Variants in MRC2 observed in about 807,000 individuals in gnomAD.
MRC2 encodes the protein mannose receptor C-type 2.
MRC2 carries 84 observed loss-of-function variants against 206.2 expected under a neutral mutation model. The ratio of observed to expected loss-of-function variants is 0.41; its 90% CI spans 0.34 to 0.49. The LOEUF (loss-of-function observed/expected upper bound fraction) is 0.49, where lower values mean the gene tolerates loss of function less well. Among genes scored for constraint, MRC2 ranks in the 20% least tolerant of loss-of-function variants. MRC2 has a pLI of 0.31. For synonymous variants in MRC2, 798 were observed against 800.0 expected (o/e 1.00, Z 0.04); for missense variants, 1,676 against 2,001.5 (o/e 0.84, Z 3.10).
chr17:62,684,950 G>T lies in MRC2; in HGVS notation c.2946+2573G>T, dbSNP rs548491611. Among the ~76,000 whole-genome samples, 16 of 152,264 alleles carry T rather than the reference G, an allele frequency of 1.1e-4. 1 individual carries two copies. The East Asian group carries it at 2.7e-3, about 26-fold the overall frequency. On this transcript the variant is annotated intron_variant, in intron 20 of 29. Transcript: ENST00000303375. ...GAGATCAGGAGTTTGAGACCAACCAGGGCAACATCGCAAAACCCTGTCTCT... is the reference window on the plus strand; with the variant it reads ...GAGATCAGGAGTTTGAGACCAACCATGGCAACATCGCAAAACCCTGTCTCT...
chr17:62,690,586 G>C, intron 26 of MRC2, 56 bp from the exon 27 acceptor site: 23 of 1,424,580 alleles, frequency 1.6e-5, no homozygotes, highest in Non-Finnish European at 2.1e-5. Context: ...AGCTCTGGGG[G>C]ACTCTGCCCC....
chr17:62,684,047 A>T (rs1450867203), intron 20 of MRC2: 2 of 152,230 alleles, frequency 1.3e-5, no homozygotes, highest in African/African-American at 2.4e-5. Flanking sequence ...CAACAAAAAA[A>T]TTGTCTAAAT....
chr17:62,628,790 G>A (rs1373468583), intron 1 of MRC2, among the ~76,000 whole-genome samples: 1 of 151,874 alleles, frequency 6.6e-6, no homozygotes, highest in East Asian at 1.9e-4. Context: ...TCTAAGAGTT[G>A]AAAGGAAAGA....
In MRC2 at chr17:62,638,754, AAAAG is replaced by A. The variant is rs1222672569; in HGVS notation, c.118+10842_118+10845del. The stretch of plus-strand genomic sequence containing the variant: ...CCCTGTCTCAAAAAAAAAAAAAAAA[AAAAG>A]AAAGAAACAATTAGCCAGGCGTGGT... On this transcript the variant is annotated intron_variant, in intron 1 of 29. Coordinates refer to ENST00000303375, the MANE Select transcript of MRC2 (RefSeq NM_006039.5). Among the ~76,000 whole-genome samples, 259 of 149,902 alleles carry A rather than the reference AAAAG, an allele frequency of 1.7e-3. 3 individuals carry two copies. In the South Asian group the frequency reaches 0.026, roughly 15 times the overall value.
chr17:62,655,869 G>A (rs1265091083), intron 1 of MRC2, among the ~76,000 whole-genome samples: 1 of 152,082 alleles, frequency 6.6e-6, no homozygotes, highest in Non-Finnish European at 1.5e-5. Flanking sequence ...TGCTTCATGA[G>A]TTCAGCCTCT....
chr17:62,663,836 A>T (rs1444256354), intron 1 of MRC2, among the ~76,000 whole-genome samples: 1 of 152,094 alleles, frequency 6.6e-6, no homozygotes, highest in Non-Finnish European at 1.5e-5. Context: ...CAGAAAAACC[A>T]CGCCATGTAA....
intron 17 of MRC2, 39 bp from the exon 18 acceptor site, chr17:62,681,023 G>A (rs751903752): frequency 2.9e-5 from 47 of 1,612,662 alleles, no homozygotes; most frequent in Non-Finnish European, 3.8e-5. Context: ...ATGAGGGCAG[G>A]GGGCTGCCTA....
chr17:62,640,038 T>TTA (rs2088380455), intron 1 of MRC2, among the ~76,000 whole-genome samples: 2 of 85,848 alleles, frequency 2.3e-5, no homozygotes, highest in Non-Finnish European at 4.8e-5. Flanking sequence ...TTTTTTTTTT[T>TTA]TTTGTATTTT....
chr17:62,678,760 G>T (rs902723442), intron 13 of MRC2, 114 bp downstream of exon 13: 14 of 1,460,042 alleles, frequency 9.6e-6, no homozygotes, highest in Non-Finnish European at 1.2e-5. Context: ...GAATGTGGGT[G>T]ACCCCAGGGA....
intron 1 of MRC2, among the ~76,000 whole-genome samples, chr17:62,635,282 TA>T (rs2088300218): frequency 6.8e-6 from 1 of 147,670 alleles, no homozygotes; most frequent in African/African-American, 2.6e-5. Context: ...TGCCAAAAAG[TA>T]ATCATAGTTT....
intron 18 of MRC2, 63 bp from the exon 19 acceptor site, chr17:62,681,774 G>A: frequency 7.6e-7 from 1 of 1,318,946 alleles, no homozygotes; most frequent in Non-Finnish European, 1.1e-6. Context: ...CTTCATTGCT[G>A]CATCCGGTGG....
chr17:62,690,974 C>T lies in MRC2; in HGVS notation c.4038C>T (p.Asn1346=), dbSNP rs769184003. The T allele has an allele frequency of 1.4e-5, 22 of 1,607,104 alleles. No homozygotes were observed. The highest frequency in any genetic ancestry group is 1.8e-5 in the Non-Finnish European group (21 of 1,177,768). ...PKGGTLVWQD[N]TAVNYSNWGP... ...GAGGCACTCTGGTCTGGCAGGACAA[C>T]ACAGCTGTGAACTACTCCAACTGGG... Residue 1346 remains asparagine (N), a synonymous_variant, in exon 28 of 30, where the codon AAC becomes AAT. Coordinates refer to ENST00000303375, the MANE Select transcript of MRC2 (RefSeq NM_006039.5).
chr17:62,668,620 C>T (rs1157627796), intron 6 of MRC2, among the ~76,000 whole-genome samples: 2 of 152,144 alleles, frequency 1.3e-5, no homozygotes, highest in Non-Finnish European at 2.9e-5. Context: ...TTGGGAAGCC[C>T]TGGCTTAAAG....
Position 62,680,554 on chromosome 17 carries a change from G to C in MRC2, c.2473+101G>C. ...CTGAATGAAATGGAGGGGATGAGGA[G>C]TTCCGGTCGAGAGAAGGGGGACGGG... On this transcript the variant is annotated intron_variant, in intron 16 of 29. Coordinates refer to ENST00000303375, the MANE Select transcript of MRC2 (RefSeq NM_006039.5). This position sits in a 1 kb window ranked among gnomAD's most constrained non-coding sequence, Gnocchi z 4.8. 1 of 1,512,684 alleles carries C rather than the reference G, an allele frequency of 6.6e-7. No individual in the cohort carries two copies. Among genetic ancestry groups the C allele is most frequent in the Non-Finnish European group, 9.1e-7 (1 of 1,100,010 alleles). 93.7% of individuals were successfully genotyped at this position (1,512,684 alleles called of 1,614,324 possible).
chr17:62,691,181 C>T, intron 28 of MRC2, 53 bp downstream of exon 28: 1 of 1,532,868 alleles, frequency 6.5e-7, no homozygotes, highest in East Asian at 2.4e-5. Flanking sequence ...TGCCGCTGGT[C>T]CTGGGCTGGG....
At position 62,680,179 on chromosome 17, in the gene MRC2, C is replaced by T. The variant is rs771693978; in HGVS notation, c.2308C>T (p.His770Tyr). The T allele has an allele frequency of 2.0e-5, 33 of 1,614,112 alleles. No individual in the cohort carries two copies. Among genetic ancestry groups the T allele is most frequent in the Non-Finnish European group, 2.8e-5 (33 of 1,180,000 alleles). ...RWSDGVGFSY[H>Y]NFDRSRHDDD... is the part of the protein sequence containing the mutation. ...CACCCGCCTCCTCCAGTTCTCTTAC[C>T]ACAATTTCGACCGGAGCCGGCACGA... The change falls in exon 15 of 30, where the codon CAC (histidine) becomes TAC (tyrosine). Residue 770 changes from histidine (H) to tyrosine (Y), a missense_variant. His to Tyr is a moderately conservative substitution (Grantham distance 83, BLOSUM62 2). Coordinates refer to ENST00000303375, the MANE Select transcript of MRC2 (RefSeq NM_006039.5). This position sits in a 1 kb window ranked among gnomAD's most constrained non-coding sequence, Gnocchi z 4.8.
intron 6 of MRC2, among the ~76,000 whole-genome samples, chr17:62,670,784 A>G (rs1458020127): frequency 6.6e-6 from 1 of 151,896 alleles, no homozygotes; most frequent in Non-Finnish European, 1.5e-5. Context: ...GCACCTCCTA[A>G]TGTTCTCGGT....
rs1366504367 is a variant in MRC2 at position 62,691,018 on chromosome 17, C to G, written c.4082C>G (p.Pro1361Arg). The change falls in exon 28 of 30, where the codon CCC becomes CGC. Residue 1361 changes from proline to arginine, a missense_variant. Pro to Arg is a moderately radical substitution (Grantham distance 103). Transcript: ENST00000303375. Reference sequence around the variant, plus strand: ...AACTGGGGGCCCCCGGGCTTGGGCCCCAGCATGCTGAGCCACAACAGCTGC... The same window carrying G: ...AACTGGGGGCCCCCGGGCTTGGGCCGCAGCATGCTGAGCCACAACAGCTGC... ...YSNWGPPGLG[P>R]SMLSHNSCYW... 6.2e-7 allele frequency: 1 copy of G among 1,609,052 alleles called. No homozygotes were observed. Among genetic ancestry groups the G allele is most frequent in the Non-Finnish European group, 8.5e-7 (1 of 1,178,762 alleles).
Position 62,666,109 on chromosome 17 carries a change from A to G in MRC2, c.536A>G (p.Gln179Arg), listed in dbSNP as rs1266232286. Residue 179 changes from glutamine to arginine, a missense_variant, in exon 3 of 30, where the codon CAG (glutamine) becomes CGG (arginine). Gln to Arg is a conservative substitution (Grantham distance 43, BLOSUM62 1). This residue lies in a region of MRC2 where 318 missense variants were observed against 346.7 expected (regional missense o/e 0.92). Coordinates refer to ENST00000303375, the MANE Select transcript of MRC2 (RefSeq NM_006039.5). The surrounding 1 kb of genome is among the most constrained non-coding windows in gnomAD (Gnocchi z 5.0). Reference protein sequence around the residue: ...ALPYHEVYTIQGNSHGKPCTI... With the variant: ...ALPYHEVYTIRGNSHGKPCTI... ...CCCCCTGCAGAGGTCTACACCATCC[A>G]GGGAAACTCCCACGGAAAGCCGTGC... The G allele has an allele frequency of 1.3e-6, 2 of 1,592,516 alleles. No individual in the cohort carries two copies. The highest frequency in any genetic ancestry group is 2.3e-5 in the South Asian group (2 of 87,804).
Sources: allele counts gnomAD v4.1 joint callset (sites outside exome capture counted in the v4.1 genomes callset), GRCh38; gene constraint gnomAD v4.1.1; regional missense constraint gnomAD v4.1.1; non-coding constraint Gnocchi (gnomAD v3.1); transcripts MANE v1.5; gene names NCBI Gene and HGNC (gene_info 2026-07-23, HGNC 2026-07-21).